The following LDB2 variants were observed in gnomAD, a reference collection of about 807,000 sequenced individuals.
LDB2 encodes the protein LIM domain binding 2.
In LDB2, 12 loss-of-function variants were observed where a neutral mutation model predicts 44.3. The observed-to-expected ratio is 0.27, with a 90% CI of 0.17 to 0.44. The LOEUF (loss-of-function observed/expected upper bound fraction) is 0.44, where lower values mean the gene tolerates loss of function less well. LDB2 is among the 20% of genes least tolerant of loss of function. The probability of loss-of-function intolerance (pLI) is 1.00; values close to 1 mark genes in which losing one functional copy is unlikely to be tolerated. For synonymous variants in LDB2, 164 were observed against 174.8 expected, an observed-to-expected ratio of 0.94 and a Z score of 0.49; for missense variants, 344 against 473.5, an observed-to-expected ratio of 0.73 and a Z score of 2.54.
intron 2 of LDB2, among the ~76,000 whole-genome samples, chr4:16,656,973 A>G (rs1050870275): frequency 6.6e-6 from 1 of 152,226 alleles, no homozygotes; most frequent in Admixed American, 6.5e-5. Flanking sequence ...TCACAAGCCT[A>G]TTCTAGAACT....
chr4:16,789,233 C>A (rs1186142455), intron 1 of LDB2, among the ~76,000 whole-genome samples: 2 of 152,040 alleles, frequency 1.3e-5, no homozygotes, highest in Non-Finnish European at 2.9e-5. Flanking sequence ...ATCCACGGAC[C>A]CAAGTGGGAG....
chr4:16,677,048 C>T (rs1663037719), intron 2 of LDB2, among the ~76,000 whole-genome samples: 1 of 152,182 alleles, frequency 6.6e-6, no homozygotes, highest in Non-Finnish European at 1.5e-5. Context: ...CCTCTTTGAA[C>T]CTCAGTTCCC....
intron 1 of LDB2, among the ~76,000 whole-genome samples, chr4:16,794,874 A>T (rs1776419890): frequency 6.6e-6 from 1 of 152,208 alleles, no homozygotes; most frequent in Admixed American, 6.6e-5. Flanking sequence ...GTTCAGTCTG[A>T]GTTCATTCCC....
chr4:16,508,545 C>T lies in LDB2; in HGVS notation c.881G>A (p.Ser294Asn). The T allele has an allele frequency of 1.3e-6, 2 of 1,593,210 alleles. No homozygotes were observed. The highest frequency in any genetic ancestry group is 1.7e-6 in the Non-Finnish European group (2 of 1,168,564). Residue 294 changes from serine (S) to asparagine (N), a missense_variant, in exon 7 of 8, where the codon AGT (serine) becomes AAT (asparagine). Around this residue, in one of 3 missense-constraint regions of LDB2, gnomAD observed 86 missense variants for 171.2 expected, o/e 0.50. Coordinates refer to ENST00000304523, the MANE Select transcript of LDB2 (RefSeq NM_001290.5). Reference sequence around the variant, plus strand: ...GAAAGCGAGACTTACAGGTACCTGACTGGACAGACTCAGGTTTGCAGCTGT... The same window carrying T: ...GAAAGCGAGACTTACAGGTACCTGATTGGACAGACTCAGGTTTGCAGCTGT... Reference protein sequence around the residue: ...KTTAANLSLSSQVPDVMVVGE... With the variant: ...KTTAANLSLSNQVPDVMVVGE...
At chr4:16,521,167 G>A (rs914725775) in intron 5 of LDB2, among the ~76,000 whole-genome samples, 1 of 152,158 alleles carries the variant, frequency 6.6e-6, no homozygotes, top group African/African-American at 2.4e-5. Context: ...ACCACAGACT[G>A]GGTGGCTTAA....
rs187597277 is a variant in LDB2, at chr4:16,789,874, C to T, written c.133-30614G>A. ...TTGAACCTGGGAGGTGGAGGTTGCA[C>T]GTAGCAGAGATAGCGCCACTGCACT... On this transcript the variant is annotated intron_variant, in intron 1 of 7. Transcript: ENST00000304523. 2.0e-4 allele frequency among the ~76,000 whole-genome samples: 31 copies of T among 152,212 alleles called. No homozygotes were observed. In the East Asian group the frequency reaches 5.2e-3, roughly 26 times the overall value.
At chr4:16,858,407 C>G (rs1481068396) in intron 1 of LDB2, among the ~76,000 whole-genome samples, 1 of 152,222 alleles carries the variant, frequency 6.6e-6, no homozygotes, top group African/African-American at 2.4e-5. Flanking sequence ...ACTAGACGAG[C>G]CAGTGGTTGG....
At chr4:16,622,952 AT>A (rs1729292233) in intron 2 of LDB2, among the ~76,000 whole-genome samples, 1 of 152,140 alleles carries the variant, frequency 6.6e-6, no homozygotes, top group African/African-American at 2.4e-5. Flanking sequence ...TACCACGTTT[AT>A]TTTTCTATAT....
At chr4:16,555,095 GTTT>G (rs57066752) in intron 5 of LDB2, among the ~76,000 whole-genome samples, 17,735 of 141,818 alleles carry the variant, frequency 0.13, 1,583 homozygotes, top group East Asian at 0.54. Context: ...ATATGGAGTG[GTTT>G]TTTTTTTTTT....
At chr4:16,713,577 T>A (rs547178103) in intron 2 of LDB2, among the ~76,000 whole-genome samples, 1 of 152,170 alleles carries the variant, frequency 6.6e-6, no homozygotes, top group Non-Finnish European at 1.5e-5. Flanking sequence ...CTGTGAATCA[T>A]TGTGTAGTCT....
intron 1 of LDB2, among the ~76,000 whole-genome samples, chr4:16,838,192 T>C (rs1785228762): frequency 6.6e-6 from 1 of 152,218 alleles, no homozygotes; most frequent in African/African-American, 2.4e-5. Flanking sequence ...CATGGAAATA[T>C]ATGAGCTAAA....
At chr4:16,800,620 G>C (rs948904072) in intron 1 of LDB2, among the ~76,000 whole-genome samples, 2 of 152,248 alleles carry the variant, frequency 1.3e-5, no homozygotes, top group African/African-American at 4.8e-5. Context: ...GGGTGATAGG[G>C]AGTCATATAA....
At chr4:16,567,498 G>A (rs1234786854) in intron 5 of LDB2, among the ~76,000 whole-genome samples, 5 of 152,100 alleles carry the variant, frequency 3.3e-5, no homozygotes, top group Non-Finnish European at 7.4e-5. Flanking sequence ...AATGTTAACT[G>A]CCTCTCTCTA....
chr4:16,705,678 G>A (rs939880854), intron 2 of LDB2, among the ~76,000 whole-genome samples: 2 of 152,204 alleles, frequency 1.3e-5, no homozygotes, highest in South Asian at 4.1e-4. Context: ...GACAACAGCT[G>A]AGCAACGTGC....
chr4:16,783,082 T>C (rs1773650310), intron 1 of LDB2, among the ~76,000 whole-genome samples: 2 of 152,180 alleles, frequency 1.3e-5, no homozygotes, highest in South Asian at 4.1e-4. Flanking sequence ...ATTTGAGGCG[T>C]ACAGGCAGCA....
At chr4:16,680,502 G>A (rs894381398) in intron 2 of LDB2, among the ~76,000 whole-genome samples, 1 of 152,146 alleles carries the variant, frequency 6.6e-6, no homozygotes, top group African/African-American at 2.4e-5. Flanking sequence ...ATGGTATGCA[G>A]GGAACTGCAC....
At chr4:16,812,080 C>T (rs1200167577) in intron 1 of LDB2, among the ~76,000 whole-genome samples, 4 of 152,130 alleles carry the variant, frequency 2.6e-5, no homozygotes, top group Admixed American at 6.5e-5. Context: ...TCTTCTATCC[C>T]GTCCTTTATA....
At chr4:16,638,375 G>T (rs1292756463) in intron 2 of LDB2, among the ~76,000 whole-genome samples, 2 of 152,160 alleles carry the variant, frequency 1.3e-5, no homozygotes, top group African/African-American at 2.4e-5. Context: ...GCACAAGGGG[G>T]TCTGGAGAAA....
chr4:16,636,674 AG>A (rs1241456430), intron 2 of LDB2, among the ~76,000 whole-genome samples: 1 of 152,160 alleles, frequency 6.6e-6, no homozygotes, highest in Non-Finnish European at 1.5e-5. Context: ...ATTTGGACTA[AG>A]GGAATGTGGG....
Sources: allele counts gnomAD v4.1 joint callset (sites outside exome capture counted in the v4.1 genomes callset), GRCh38; gene constraint gnomAD v4.1.1; regional missense constraint gnomAD v4.1.1; transcripts MANE v1.5; gene names NCBI Gene and HGNC (gene_info 2026-07-23, HGNC 2026-07-21).